Variants in DPYSL2 observed in about 807,000 individuals in gnomAD.
DPYSL2 encodes dihydropyrimidinase like 2.
DPYSL2 carries 13 observed loss-of-function variants against 69.9 expected under a neutral mutation model. The observed-to-expected ratio is 0.19, with a 90% CI of 0.12 to 0.30. DPYSL2 has a LOEUF of 0.30. Among genes scored for constraint, DPYSL2 ranks in the 10% least tolerant of loss-of-function variants. The pLI is 1.00. For synonymous variants in DPYSL2, 326 were observed against 359.1 expected (o/e 0.91, Z 1.04); for missense variants, 587 against 918.9 (o/e 0.64, Z 4.67).
intron 1 of DPYSL2, among the ~76,000 whole-genome samples, chr8:26,563,624 G>A (rs7005751): frequency 0.1 from 15,567 of 152,150 alleles, 881 homozygotes; most frequent in Non-Finnish European, 0.12. Flanking sequence ...GACCTTCCTA[G>A]ACCACTCTGT....
At position 26,610,909 on chromosome 8, in the gene DPYSL2, A is replaced by C. The variant is rs1802210452; in HGVS notation, c.629-13234A>C. Among the ~76,000 whole-genome samples, 3 of 152,214 alleles carry C rather than the reference A, an allele frequency of 2.0e-5. No individual in the cohort carries two copies. Among genetic ancestry groups the C allele is most frequent in the Admixed American group, 1.3e-4 (2 of 15,286 alleles). ...TACTATTATTAGGTCCATTTCACAG[A>C]TAAGAAACCTGAGGCCCTGACAGGG... On this transcript the variant is annotated intron_variant, in intron 3 of 13. Transcript: ENST00000521913. The surrounding 1 kb of genome is among the most constrained non-coding windows in gnomAD (Gnocchi z 4.5).
intron 3 of DPYSL2, among the ~76,000 whole-genome samples, chr8:26,601,674 G>T (rs1370411024): frequency 3.3e-5 from 5 of 152,248 alleles, no homozygotes. Flanking sequence ...ACAGCGCCTG[G>T]GCCCTCTCTT....
At chr8:26,540,379 G>A (rs1800659391) in intron 1 of DPYSL2, among the ~76,000 whole-genome samples, 1 of 152,154 alleles carries the variant, frequency 6.6e-6, no homozygotes, top group Non-Finnish European at 1.5e-5. Flanking sequence ...ACACCATTAA[G>A]TGAACCAATG....
intron 3 of DPYSL2, chr8:26,623,889 T>G: frequency 2.5e-6 from 1 of 398,454 alleles, no homozygotes; most frequent in Non-Finnish European, 4.5e-6. Flanking sequence ...CTTTCAGGGG[T>G]TTTGGGAAAT....
At chr8:26,632,014 T>C (rs1802787759) in intron 7 of DPYSL2, among the ~76,000 whole-genome samples, 1 of 152,230 alleles carries the variant, frequency 6.6e-6, no homozygotes, top group South Asian at 2.1e-4. Context: ...GTAACTTCTC[T>C]GTAGTTTGGT....
At position 26,621,605 on chromosome 8, in the gene DPYSL2, G is replaced by A. The variant is rs889707629; in HGVS notation, c.629-2538G>A. ...TAGTCAGGGGTCAGAGAGTAAATGA[G>A]TGAAATGGATTCAGAAACGATGCCA... On this transcript the variant is annotated intron_variant, in intron 3 of 13. Coordinates refer to ENST00000521913, the MANE Select transcript of DPYSL2 (RefSeq NM_001197293.3). This position sits in a 1 kb window ranked among gnomAD's most constrained non-coding sequence, Gnocchi z 4.9. Among the ~76,000 whole-genome samples the A allele has an allele frequency of 2.0e-5, 3 of 152,310 alleles. No individual in the cohort carries two copies. The highest frequency in any genetic ancestry group is 7.2e-5 in the African/African-American group (3 of 41,562).
chr8:26,651,457 A>G (rs974378298), intron 11 of DPYSL2, among the ~76,000 whole-genome samples: 2 of 152,192 alleles, frequency 1.3e-5, no homozygotes, highest in African/African-American at 4.8e-5. Flanking sequence ...AGACTCAGCC[A>G]CAGCCATTGG....
chr8:26,602,606 G>A (rs1802017372), intron 3 of DPYSL2, among the ~76,000 whole-genome samples: 1 of 152,188 alleles, frequency 6.6e-6, no homozygotes, highest in South Asian at 2.1e-4. Flanking sequence ...GGTTTCTGCT[G>A]CTAAGAAAAC....
At chr8:26,594,491 A>T (rs1294420336) in intron 3 of DPYSL2, among the ~76,000 whole-genome samples, 1 of 152,116 alleles carries the variant, frequency 6.6e-6, no homozygotes, top group Non-Finnish European at 1.5e-5. Flanking sequence ...TCATTTATCT[A>T]ATCTATCTAT....
chr8:26,556,200 A>ATAGT (rs1563385056), intron 1 of DPYSL2, among the ~76,000 whole-genome samples: 1 of 14,082 alleles, frequency 7.1e-5, no homozygotes, highest in African/African-American at 1.6e-4. Flanking sequence ...TATTATATAT[A>ATAGT]CTATATATAT....
intron 1 of DPYSL2, among the ~76,000 whole-genome samples, chr8:26,518,164 C>A (rs1407166304): frequency 6.6e-6 from 1 of 152,180 alleles, no homozygotes; most frequent in Non-Finnish European, 1.5e-5. Context: ...TGATAATAGA[C>A]TAGCCTGTTA....
At chr8:26,604,939 C>T (rs1802076883) in intron 3 of DPYSL2, among the ~76,000 whole-genome samples, 1 of 152,134 alleles carries the variant, frequency 6.6e-6, no homozygotes, top group African/African-American at 2.4e-5. Context: ...GGATTACAGG[C>T]TTGAGCCACT....
chr8:26,543,153 C>A (rs1423079132), intron 1 of DPYSL2, among the ~76,000 whole-genome samples: 1 of 152,124 alleles, frequency 6.6e-6, no homozygotes, highest in Non-Finnish European at 1.5e-5. Flanking sequence ...CATAAAGCAA[C>A]AGAGTACACC....
At chr8:26,541,564 TG>T (rs1800684426) in intron 1 of DPYSL2, among the ~76,000 whole-genome samples, 1 of 152,194 alleles carries the variant, frequency 6.6e-6, no homozygotes, top group African/African-American at 2.4e-5. Flanking sequence ...CATGTAACAC[TG>T]TAAAGATGGT....
intron 7 of DPYSL2, 131 bp downstream of exon 7, chr8:26,628,071 T>C (rs1802660785): frequency 2.3e-6 from 2 of 883,176 alleles, no homozygotes. Flanking sequence ...TGAGAAGCTG[T>C]GGGTCACGTG....
intron 3 of DPYSL2, among the ~76,000 whole-genome samples, chr8:26,618,489 T>G (rs1802409100): frequency 2.0e-5 from 3 of 148,500 alleles, no homozygotes; most frequent in South Asian, 4.4e-4. Context: ...ATGTTTTTTT[T>G]TTTTTTTTTT....
At chr8:26,603,287 C>G (rs943814753) in intron 3 of DPYSL2, among the ~76,000 whole-genome samples, 1 of 152,158 alleles carries the variant, frequency 6.6e-6, no homozygotes, top group Non-Finnish European at 1.5e-5. Context: ...ATTCTCCTGC[C>G]TCAGCCTTCT....
At chr8:26,535,946 G>A (rs1800586185) in intron 1 of DPYSL2, among the ~76,000 whole-genome samples, 1 of 149,212 alleles carries the variant, frequency 6.7e-6, no homozygotes, top group African/African-American at 2.5e-5. Flanking sequence ...GTTTGAGATG[G>A]GGTCTCACTC....
intron 1 of DPYSL2, among the ~76,000 whole-genome samples, chr8:26,545,068 A>G (rs748169755): frequency 6.6e-6 from 1 of 152,232 alleles, no homozygotes; most frequent in Non-Finnish European, 1.5e-5. Flanking sequence ...ATAGTAGGGG[A>G]CTTTGATACC....
Sources: gnomAD v4.1 joint callset for allele counts (sites outside exome capture counted in the v4.1 genomes callset) on GRCh38, gnomAD v4.1.1 for gene constraint, Gnocchi (gnomAD v3.1) non-coding constraint, MANE v1.5 for transcripts, NCBI Gene and HGNC (gene_info 2026-07-23, HGNC 2026-07-21) for gene names.